The following RBMS3 variants were observed in gnomAD, a reference collection of about 807,000 sequenced individuals.
The protein encoded by RBMS3 is RNA-binding motif, single-stranded-interacting protein 3.
Under a neutral mutation model 66.8 loss-of-function variants are expected in RBMS3, and 27 were observed. That is an observed-to-expected ratio of 0.40 (90% CI 0.30 to 0.56). The LOEUF is 0.56. Among genes scored for constraint, RBMS3 ranks in the 20% least tolerant of loss-of-function variants. RBMS3 has a pLI of 0.40. For synonymous variants in RBMS3, 188 were observed against 183.0 expected, an observed-to-expected ratio of 1.03 and a Z score of -0.22; for missense variants, 513 against 549.5, an observed-to-expected ratio of 0.93 and a Z score of 0.66.
At chr3:29,948,739 C>T (rs1340475925) in intron 12 of RBMS3, among the ~76,000 whole-genome samples, 1 of 151,728 alleles carries the variant, frequency 6.6e-6, no homozygotes, top group Non-Finnish European at 1.5e-5. Context: ...ACAAAACTAT[C>T]TTTCTTTACA....
chr3:29,675,146 G>T (rs1389379933), intron 4 of RBMS3, among the ~76,000 whole-genome samples: 1 of 152,066 alleles, frequency 6.6e-6, no homozygotes, highest in Non-Finnish European at 1.5e-5. Context: ...TCTGATCTTT[G>T]ACAAACTTGA....
chr3:29,733,156 A>C (rs758824219), intron 4 of RBMS3, among the ~76,000 whole-genome samples: 8 of 152,084 alleles, frequency 5.3e-5, no homozygotes, highest in Non-Finnish European at 1.2e-4. Flanking sequence ...AAAAATATCT[A>C]TAGTTGCATG....
Position 29,817,192 on chromosome 3 carries a change from C to CTTTGTT in RBMS3, c.638-51663_638-51662insGTTTTT, listed in dbSNP as rs1553677828. Among the ~76,000 whole-genome samples, 43 of 127,202 alleles carry CTTTGTT rather than the reference C, an allele frequency of 3.4e-4. 1 individual carries two copies. Among genetic ancestry groups the CTTTGTT allele is most frequent in the African/African-American group, 1.2e-3 (39 of 31,668 alleles). 83.4% of individuals were successfully genotyped at this position (127,202 alleles called of 152,430 possible). ...GGGTTGCATTTCCAAATTTTCTTTT[C>CTTTGTT]TTTTTTTTTTTTTGAGGCAAAGTCT... On this transcript the variant is annotated intron_variant, in intron 6 of 14. Coordinates refer to ENST00000383767, the MANE Select transcript of RBMS3 (RefSeq NM_001003793.3).
intron 4 of RBMS3, among the ~76,000 whole-genome samples, chr3:29,644,772 G>C (rs2049855323): frequency 6.6e-6 from 1 of 152,164 alleles, no homozygotes; most frequent in African/African-American, 2.4e-5. Flanking sequence ...CCGAAGAGTA[G>C]TTCATGGCTG....
chr3:29,918,501 G>T (rs1296666547), intron 10 of RBMS3, among the ~76,000 whole-genome samples: 1 of 151,968 alleles, frequency 6.6e-6, no homozygotes, highest in Admixed American at 6.6e-5. Context: ...CAAATGTACC[G>T]TAATTTAATT....
At chr3:29,878,549 C>T (rs1044800886) in intron 7 of RBMS3, among the ~76,000 whole-genome samples, 1 of 152,038 alleles carries the variant, frequency 6.6e-6, no homozygotes, top group Non-Finnish European at 1.5e-5. Flanking sequence ...TTCTGTCCTA[C>T]TTTTGTATTC....
chr3:29,715,535 ACT>A (rs2053357940), intron 4 of RBMS3, among the ~76,000 whole-genome samples: 1 of 152,018 alleles, frequency 6.6e-6, no homozygotes, highest in African/African-American at 2.4e-5. Flanking sequence ...ATCAGTGCTT[ACT>A]CTCTTCCAAC....
intron 3 of RBMS3, among the ~76,000 whole-genome samples, chr3:29,531,330 G>C (rs2045344226): frequency 6.6e-6 from 1 of 152,222 alleles, no homozygotes; most frequent in Non-Finnish European, 1.5e-5. Flanking sequence ...ATTTGAGAAG[G>C]ACCGTTGTAG....
chr3:29,951,476 T>C (rs895533489), intron 12 of RBMS3, among the ~76,000 whole-genome samples: 1 of 151,794 alleles, frequency 6.6e-6, no homozygotes, highest in African/African-American at 2.4e-5. Flanking sequence ...GTAGAGAGTA[T>C]ATAATCTATT....
chr3:29,655,778 A>C (rs746262785), intron 4 of RBMS3, among the ~76,000 whole-genome samples: 1 of 152,178 alleles, frequency 6.6e-6, no homozygotes, highest in Admixed American at 6.5e-5. Context: ...GAGATATTCC[A>C]GATGAAGGCA....
intron 5 of RBMS3, among the ~76,000 whole-genome samples, chr3:29,740,655 C>T (rs1429120336): frequency 6.6e-6 from 1 of 152,146 alleles, no homozygotes; most frequent in Non-Finnish European, 1.5e-5. Context: ...GTCTCTATGG[C>T]TTGGTACATT....
At chr3:29,603,691 C>A (rs1164255432) in intron 4 of RBMS3, among the ~76,000 whole-genome samples, 6 of 151,830 alleles carry the variant, frequency 4.0e-5, no homozygotes, top group Non-Finnish European at 4.4e-5. Context: ...TATAGAAAAC[C>A]AATAACAAGT....
intron 1 of RBMS3, among the ~76,000 whole-genome samples, chr3:29,345,609 G>A (rs2036526686): frequency 6.6e-6 from 1 of 152,132 alleles, no homozygotes. Flanking sequence ...TATTTTACTT[G>A]CCTTGCATGT....
chr3:29,478,875 A>C (rs1418035393), intron 2 of RBMS3, among the ~76,000 whole-genome samples: 4 of 152,232 alleles, frequency 2.6e-5, no homozygotes, highest in Non-Finnish European at 5.9e-5. Flanking sequence ...AGTTCTAACA[A>C]GCAGTGGTAA....
At chr3:29,569,690 C>T (rs1327086399) in intron 3 of RBMS3, among the ~76,000 whole-genome samples, 1 of 151,964 alleles carries the variant, frequency 6.6e-6, no homozygotes, top group Non-Finnish European at 1.5e-5. Flanking sequence ...GCTTGCAATG[C>T]ATGAAAGTCT....
At chr3:29,388,138 T>A (rs2039100240) in intron 1 of RBMS3, among the ~76,000 whole-genome samples, 1 of 152,092 alleles carries the variant, frequency 6.6e-6, no homozygotes, top group Non-Finnish European at 1.5e-5. Context: ...TATGTGTATA[T>A]TAAAAAATAC....
chr3:29,964,654 G>T (rs1696711926), intron 12 of RBMS3, among the ~76,000 whole-genome samples: 2 of 152,052 alleles, frequency 1.3e-5, no homozygotes, highest in Admixed American at 1.3e-4. Flanking sequence ...ACTCCTTCTT[G>T]GGGGCCAATT....
intron 1 of RBMS3, among the ~76,000 whole-genome samples, chr3:29,368,119 A>T (rs949258233): frequency 3.9e-5 from 6 of 152,166 alleles, no homozygotes; most frequent in African/African-American, 9.7e-5. Context: ...TAGATATGGG[A>T]TACTTATGTG....
intron 1 of RBMS3, among the ~76,000 whole-genome samples, chr3:29,383,471 C>T (rs1175483230): frequency 6.6e-6 from 1 of 152,096 alleles, no homozygotes; most frequent in Non-Finnish European, 1.5e-5. Flanking sequence ...AATATTTCTT[C>T]CATGACACTT....
Sources: gnomAD v4.1 joint callset for allele counts (sites outside exome capture counted in the v4.1 genomes callset) on GRCh38, gnomAD v4.1.1 for gene constraint, MANE v1.5 for transcripts, NCBI Gene and HGNC (gene_info 2026-07-23, HGNC 2026-07-21) for gene names.